Variants in PDZRN4 observed in about 807,000 individuals in gnomAD.
The protein encoded by PDZRN4 is PDZ domain containing ring finger 4, also known as PDZ domain-containing RING finger protein 4.
PDZRN4 carries 70 observed loss-of-function variants against 99.0 expected under a neutral mutation model. That is an observed-to-expected ratio of 0.71 (90% CI 0.58 to 0.86). The LOEUF (loss-of-function observed/expected upper bound fraction) is 0.86, where lower values mean the gene tolerates loss of function less well. Ranked by LOEUF, PDZRN4 falls within the 40% of genes least tolerant of loss-of-function variation. The pLI is 0.00. For missense variants in PDZRN4, 1,474 were observed against 1,331.2 expected (o/e 1.11, Z -1.67); for synonymous variants, 551 against 501.6 (o/e 1.10, Z -1.32).
chr12:41,188,723 C>T lies in PDZRN4; in HGVS notation c.268C>T (p.His90Tyr). 6.4e-7 allele frequency: 1 copy of T among 1,557,016 alleles called. No homozygotes were observed. The highest frequency in any genetic ancestry group is 8.6e-7 in the Non-Finnish European group (1 of 1,162,440). ...QCDYRARGCG[H>Y]SVRLHELEAH... ...CGACTACCGCGCCCGCGGCTGCGGC[C>T]ACTCGGTCAGGCTGCACGAGCTGGA... The change falls in exon 1 of 10, where the codon CAC becomes TAC. Residue 90 changes from histidine to tyrosine, a missense_variant. Coordinates refer to ENST00000402685, the MANE Select transcript of PDZRN4 (RefSeq NM_001164595.2).
At chr12:41,274,376 G>A (rs1248655135) in intron 3 of PDZRN4, among the ~76,000 whole-genome samples, 2 of 152,096 alleles carry the variant, frequency 1.3e-5, no homozygotes, top group African/African-American at 4.8e-5. Flanking sequence ...GCAATTTGAA[G>A]GAATATATAG....
intron 3 of PDZRN4, among the ~76,000 whole-genome samples, chr12:41,415,393 A>C (rs1018788315): frequency 6.7e-6 from 1 of 149,838 alleles, no homozygotes; most frequent in East Asian, 1.9e-4. Flanking sequence ...TATATAACAA[A>C]GATATACATA....
chr12:41,548,960 C>T (rs559875985), intron 5 of PDZRN4, among the ~76,000 whole-genome samples: 1 of 152,258 alleles, frequency 6.6e-6, no homozygotes, highest in Non-Finnish European at 1.5e-5. Context: ...ATATTAGATG[C>T]TGAAGTTTGA....
chr12:41,396,305 C>T (rs1012127335), intron 3 of PDZRN4, among the ~76,000 whole-genome samples: 5 of 152,100 alleles, frequency 3.3e-5, no homozygotes, highest in African/African-American at 1.2e-4. Context: ...GACCATAAGA[C>T]AGTTTCTTCA....
At chr12:41,321,418 A>G (rs971892900) in intron 3 of PDZRN4, among the ~76,000 whole-genome samples, 1 of 152,180 alleles carries the variant, frequency 6.6e-6, no homozygotes, top group Non-Finnish European at 1.5e-5. Flanking sequence ...GATTTCACTG[A>G]TCTTCACACA....
At chr12:41,357,133 CCTCTCTCTGTCTCTTT>C (rs1400067248) in intron 3 of PDZRN4, among the ~76,000 whole-genome samples, 3 of 151,476 alleles carry the variant, frequency 2.0e-5, no homozygotes, top group African/African-American at 4.8e-5. Context: ...ATTAACTTCC[CCTCTCTCTGTCTCTTT>C]CTCTCTCTGC....
rs118159414 is a variant in PDZRN4 at position 41,386,536 on chromosome 12, C to T, written c.844-119920C>T. Among the ~76,000 whole-genome samples, 1,373 of 152,170 alleles carry T rather than the reference C, an allele frequency of 9.0e-3. 12 individuals are homozygous for T. Among genetic ancestry groups the T allele is most frequent in the Non-Finnish European group, 0.015 (992 of 67,960 alleles). ...ATAGGAAGAATCAATATTGTTATAA[C>T]GGCCACACTTCCCAAAGCAATTTAT... is the stretch of plus-strand genomic sequence containing the variant. On this transcript the variant is annotated intron_variant, in intron 3 of 9. Coordinates refer to ENST00000402685, the MANE Select transcript of PDZRN4 (RefSeq NM_001164595.2).
At chr12:41,571,376 T>A (rs285567) in intron 9 of PDZRN4, among the ~76,000 whole-genome samples, 6,163 of 65,074 alleles carry the variant, frequency 0.095, 213 homozygotes, top group African/African-American at 0.16. Context: ...TCTCTCTCTC[T>A]CACACACACA....
At chr12:41,198,677 G>A (rs1328742537) in intron 3 of PDZRN4, among the ~76,000 whole-genome samples, 1 of 150,504 alleles carries the variant, frequency 6.6e-6, no homozygotes, top group Non-Finnish European at 1.5e-5. Flanking sequence ...GAGTTAATGG[G>A]TGCAGCACAC....
intron 3 of PDZRN4, among the ~76,000 whole-genome samples, chr12:41,413,843 G>C (rs756730127): frequency 5.9e-5 from 9 of 151,984 alleles, no homozygotes; most frequent in Non-Finnish European, 8.8e-5. Flanking sequence ...ATGAGGTTTT[G>C]ATCCTACCAT....
chr12:41,527,625 G>A (rs186314983), intron 5 of PDZRN4, among the ~76,000 whole-genome samples: 5 of 152,312 alleles, frequency 3.3e-5, no homozygotes, highest in Admixed American at 2.6e-4. Context: ...TTTCCCATGC[G>A]TGACAAGTGG....
chr12:41,302,270 A>G (rs1951541297), intron 3 of PDZRN4, among the ~76,000 whole-genome samples: 1 of 152,040 alleles, frequency 6.6e-6, no homozygotes, highest in Admixed American at 6.6e-5. Flanking sequence ...TTGTATTTCT[A>G]CATTATTATA....
intron 3 of PDZRN4, among the ~76,000 whole-genome samples, chr12:41,480,691 A>G (rs1406978080): frequency 6.6e-6 from 1 of 152,124 alleles, no homozygotes; most frequent in Non-Finnish European, 1.5e-5. Context: ...AATATTTTAT[A>G]ATTTCTTACC....
At chr12:41,225,404 G>T (rs1950986383) in intron 3 of PDZRN4, among the ~76,000 whole-genome samples, 1 of 149,806 alleles carries the variant, frequency 6.7e-6, no homozygotes, top group South Asian at 2.1e-4. Flanking sequence ...CATTCATATT[G>T]GGAAGTATAA....
chr12:41,527,783 A>C (rs879771055), intron 5 of PDZRN4, among the ~76,000 whole-genome samples: 1 of 152,184 alleles, frequency 6.6e-6, no homozygotes, highest in Non-Finnish European at 1.5e-5. Context: ...GACAGTGGGG[A>C]ATGCAGGCTT....
chr12:41,360,228 T>C (rs1269695282), intron 3 of PDZRN4, among the ~76,000 whole-genome samples: 1 of 152,010 alleles, frequency 6.6e-6, no homozygotes. Flanking sequence ...GAGCTGAACA[T>C]ACTGTAATCT....
intron 5 of PDZRN4, among the ~76,000 whole-genome samples, chr12:41,544,116 A>G (rs188836946): frequency 2.0e-4 from 30 of 152,370 alleles, no homozygotes; most frequent in African/African-American, 7.0e-4. Flanking sequence ...TGTTTGGTAC[A>G]TAATAAGTTT....
At chr12:41,537,358 T>C (rs1297970826) in intron 5 of PDZRN4, among the ~76,000 whole-genome samples, 1 of 152,188 alleles carries the variant, frequency 6.6e-6, no homozygotes, top group Admixed American at 6.6e-5. Flanking sequence ...CAAAGCTGAA[T>C]ACATTTGCTC....
At chr12:41,512,639 G>A (rs534976677) in intron 5 of PDZRN4, among the ~76,000 whole-genome samples, 51 of 152,156 alleles carry the variant, frequency 3.4e-4, no homozygotes, top group Admixed American at 9.2e-4. Context: ...TCTGAGATGG[G>A]AAGTTGCTGG....
Sources: allele counts gnomAD v4.1 joint callset (sites outside exome capture counted in the v4.1 genomes callset), GRCh38; gene constraint gnomAD v4.1.1; transcripts MANE v1.5; gene names NCBI Gene and HGNC (gene_info 2026-07-23, HGNC 2026-07-21).